TMEM132D: variants seen among roughly 807,000 people sequenced by gnomAD.
The protein encoded by TMEM132D is transmembrane protein 132D, also known as mature OL transmembrane protein.
TMEM132D carries 21 observed loss-of-function variants against 62.3 expected under a neutral mutation model. The ratio of observed to expected loss-of-function variants is 0.34; its 90% CI spans 0.24 to 0.49. The LOEUF (loss-of-function observed/expected upper bound fraction) is 0.49, where lower values mean the gene tolerates loss of function less well. TMEM132D is among the 20% of genes least tolerant of loss of function. The probability of loss-of-function intolerance (pLI) is 0.99; values close to 1 mark genes in which losing one functional copy is unlikely to be tolerated. For synonymous variants in TMEM132D, 621 were observed against 575.6 expected (o/e 1.08, Z -1.13); for missense variants, 1,346 against 1,402.8 (o/e 0.96, Z 0.65).
In TMEM132D at chr12:129,699,831, G is replaced by C; in HGVS notation, c.947C>G (p.Thr316Ser). The change falls in exon 2 of 9, where the codon ACT becomes AGT. Residue 316 changes from threonine (T) to serine (S), a missense_variant. By Grantham distance (58) the Thr-to-Ser change is moderately conservative. Coordinates refer to ENST00000422113, the MANE Select transcript of TMEM132D (RefSeq NM_133448.3). ...TFPVSISRNS[T>S]EDRFTLRAKV... ...TTACCTCAACGTGAAGCGATCTTCA[G>C]TGGAATTTCTGGAGATGGAAACAGG... The C allele has an allele frequency of 1.2e-6, 2 of 1,614,132 alleles. No individual in the cohort carries two copies. The highest frequency in any genetic ancestry group is 2.2e-5 in the South Asian group (2 of 91,078).
At chr12:129,409,108 T>C (rs1398350277) in intron 3 of TMEM132D, among the ~76,000 whole-genome samples, 1 of 152,130 alleles carries the variant, frequency 6.6e-6, no homozygotes, top group African/African-American at 2.4e-5. Context: ...AATTTTTGTA[T>C]TTTCAGTAGA....
At chr12:129,664,466 C>G (rs1029046753) in intron 2 of TMEM132D, among the ~76,000 whole-genome samples, 129 of 118,720 alleles carry the variant, frequency 1.1e-3, no homozygotes, top group South Asian at 2.6e-3. Context: ...GCTTTGTTGC[C>G]CAGGCTGGAG....
chr12:129,524,782 G>C (rs986570780), intron 3 of TMEM132D, among the ~76,000 whole-genome samples: 10 of 151,772 alleles, frequency 6.6e-5, no homozygotes, highest in Non-Finnish European at 1.5e-4. Context: ...GTTCTTCCGG[G>C]AGGCGGAGGT....
chr12:129,311,261 A>C (rs59936255), intron 4 of TMEM132D, among the ~76,000 whole-genome samples: 1,800 of 150,230 alleles, frequency 0.012, 54 homozygotes, highest in African/African-American at 0.041. Flanking sequence ...GTGATCAAAA[A>C]AACTGCGGAT....
rs147658978 is a variant in TMEM132D at position 129,875,349 on chromosome 12, G to A, written c.79+27912C>T. Among the ~76,000 whole-genome samples the A allele has an allele frequency of 2.2e-3, 335 of 152,322 alleles. 2 individuals carry two copies. The highest frequency in any genetic ancestry group is 7.6e-3 in the African/African-American group (315 of 41,588). On this transcript the variant is annotated intron_variant, in intron 1 of 8. Coordinates refer to ENST00000422113, the MANE Select transcript of TMEM132D (RefSeq NM_133448.3). The stretch of plus-strand genomic sequence containing the variant: ...TCTGTTCAGGCTGCCTTAACAAACC[G>A]TCATAGACCAGTGGCTTAGAAACAA...
intron 1 of TMEM132D, among the ~76,000 whole-genome samples, chr12:129,882,105 A>G (rs973559638): frequency 6.6e-6 from 1 of 152,100 alleles, no homozygotes; most frequent in Non-Finnish European, 1.5e-5. Context: ...AATAATCCTG[A>G]AACTATCAAA....
intron 1 of TMEM132D, among the ~76,000 whole-genome samples, chr12:129,805,537 C>G (rs1871951454): frequency 6.6e-6 from 1 of 152,038 alleles, no homozygotes; most frequent in African/African-American, 2.4e-5. Flanking sequence ...ATACAAAACT[C>G]AATTCAAGAT....
At chr12:129,405,645 C>T (rs1871762971) in intron 3 of TMEM132D, among the ~76,000 whole-genome samples, 1 of 151,966 alleles carries the variant, frequency 6.6e-6, no homozygotes, top group Non-Finnish European at 1.5e-5. Flanking sequence ...TTTTTGGGAG[C>T]AGAAGCAGCA....
chr12:129,395,772 A>C (rs1871408971), intron 3 of TMEM132D, among the ~76,000 whole-genome samples: 1 of 148,526 alleles, frequency 6.7e-6, no homozygotes, highest in Non-Finnish European at 1.5e-5. Flanking sequence ...ATATATCTAT[A>C]TACTAATCTA....
chr12:129,259,140 A>C (rs753978908), intron 4 of TMEM132D, among the ~76,000 whole-genome samples: 6 of 152,066 alleles, frequency 3.9e-5, no homozygotes, highest in South Asian at 2.1e-4. Flanking sequence ...CATTTCCTTC[A>C]TGGTTAGGTG....
intron 5 of TMEM132D, among the ~76,000 whole-genome samples, chr12:129,176,562 C>A (rs1478721405): frequency 6.6e-6 from 1 of 152,220 alleles, no homozygotes; most frequent in African/African-American, 2.4e-5. Context: ...GAGGGGACTC[C>A]TTGCCTCCTG....
At chr12:129,708,064 A>T (rs1881547827) in intron 1 of TMEM132D, among the ~76,000 whole-genome samples, 1 of 152,062 alleles carries the variant, frequency 6.6e-6, no homozygotes, top group Non-Finnish European at 1.5e-5. Context: ...TAAAAACACA[A>T]AGATCAGCTG....
At chr12:129,753,022 C>T (rs1297788255) in intron 1 of TMEM132D, among the ~76,000 whole-genome samples, 3 of 152,206 alleles carry the variant, frequency 2.0e-5, no homozygotes, top group Non-Finnish European at 4.4e-5. Flanking sequence ...CCTGTGCATA[C>T]GGATTTTAGT....
intron 1 of TMEM132D, among the ~76,000 whole-genome samples, chr12:129,709,590 C>T (rs989902455): frequency 6.6e-6 from 1 of 152,174 alleles, no homozygotes; most frequent in Non-Finnish European, 1.5e-5. Context: ...TTGGATTCAC[C>T]GGAGTGTGCC....
intron 1 of TMEM132D, among the ~76,000 whole-genome samples, chr12:129,859,463 T>G (rs1292930132): frequency 2.6e-5 from 4 of 152,326 alleles, no homozygotes; most frequent in South Asian, 2.1e-4. Flanking sequence ...TGGTTAATAT[T>G]GGATGTCAAC....
chr12:129,795,021 C>T (rs543999357), intron 1 of TMEM132D, among the ~76,000 whole-genome samples: 24 of 152,280 alleles, frequency 1.6e-4, no homozygotes, highest in Middle Eastern at 6.8e-3. Context: ...TTTGAATATT[C>T]TAAATTGTGT....
chr12:129,086,622 A>G (rs1381947681), intron 5 of TMEM132D, among the ~76,000 whole-genome samples: 1 of 149,726 alleles, frequency 6.7e-6, no homozygotes, highest in Non-Finnish European at 1.5e-5. Flanking sequence ...GTATATTTAT[A>G]TATTGTATAT....
chr12:129,549,911 G>C (rs575805055), intron 2 of TMEM132D, among the ~76,000 whole-genome samples: 1 of 152,214 alleles, frequency 6.6e-6, no homozygotes, highest in African/African-American at 2.4e-5. Context: ...ATGTGTGAGG[G>C]AAGTAAACAT....
At chr12:129,808,270 A>G (rs1872058614) in intron 1 of TMEM132D, among the ~76,000 whole-genome samples, 1 of 152,222 alleles carries the variant, frequency 6.6e-6, no homozygotes, top group Non-Finnish European at 1.5e-5. Context: ...GCAGAAGTCA[A>G]TATTATTAGA....
Sources: allele counts gnomAD v4.1 joint callset (sites outside exome capture counted in the v4.1 genomes callset), GRCh38; gene constraint gnomAD v4.1.1; transcripts MANE v1.5; gene names NCBI Gene and HGNC (gene_info 2026-07-23, HGNC 2026-07-21).